The following KCNN3 variants were observed in gnomAD, a reference collection of about 807,000 sequenced individuals.
KCNN3 encodes the protein small conductance calcium-activated potassium channel protein 3.
In KCNN3, 16 loss-of-function variants were observed where a neutral mutation model predicts 62.9. The ratio of observed to expected loss-of-function variants is 0.25; its 90% CI spans 0.17 to 0.39. KCNN3 has a LOEUF of 0.39. KCNN3 is among the 10% of genes least tolerant of loss of function. The probability of loss-of-function intolerance (pLI) is 1.00; values close to 1 mark genes in which losing one functional copy is unlikely to be tolerated. For missense variants in KCNN3, 599 were observed against 949.4 expected, an observed-to-expected ratio of 0.63 and a Z score of 4.85; for synonymous variants, 370 against 389.2, an observed-to-expected ratio of 0.95 and a Z score of 0.58.
At position 154,794,314 on chromosome 1, in the gene KCNN3, T is replaced by C. The variant is rs140695434; in HGVS notation, c.1030-21921A>G. On this transcript the variant is annotated intron_variant, in intron 2 of 7. Coordinates refer to ENST00000271915, the MANE Select transcript of KCNN3 (RefSeq NM_002249.6). ...GACCATGTCTGTTTCTATGTCCATG[T>C]TTTCCCCAGAGCTTGCCCTTAAACA... 1.3e-3 allele frequency among the ~76,000 whole-genome samples: 200 copies of C among 152,310 alleles called. 1 individual carries two copies. Among genetic ancestry groups the C allele is most frequent in the African/African-American group, 4.0e-3 (168 of 41,552 alleles).
chr1:154,772,484 C>G lies in KCNN3; in HGVS notation c.1030-91G>C. The G allele has an allele frequency of 1.5e-6, 2 of 1,339,118 alleles. No homozygotes were observed. Among genetic ancestry groups the G allele is most frequent in the Non-Finnish European group, 2.1e-6 (2 of 946,772 alleles). 83.0% of individuals were successfully genotyped at this position (1,339,118 alleles called of 1,614,324 possible). ...GACAGGTGGGGCAGGCTGGGGCAGG[C>G]TGCTGGGCTCAGGTCAGCCTGACCA... On this transcript the variant is annotated intron_variant, in intron 2 of 7. Coordinates refer to ENST00000271915, the MANE Select transcript of KCNN3 (RefSeq NM_002249.6). This position sits in a 1 kb window ranked among gnomAD's most constrained non-coding sequence, Gnocchi z 5.6.
At chr1:154,813,825 C>A (rs1428974530) in intron 2 of KCNN3, among the ~76,000 whole-genome samples, 3 of 152,228 alleles carry the variant, frequency 2.0e-5, no homozygotes, top group Non-Finnish European at 4.4e-5. Context: ...CACACCCACC[C>A]CATCGGAGAC....
intron 4 of KCNN3, among the ~76,000 whole-genome samples, chr1:154,726,495 T>C (rs1700468328): frequency 6.6e-6 from 1 of 152,204 alleles, no homozygotes; most frequent in Non-Finnish European, 1.5e-5. Flanking sequence ...GGGGTGCAGA[T>C]GGAACACCTG....
intron 3 of KCNN3, among the ~76,000 whole-genome samples, chr1:154,744,473 G>A (rs776215632): frequency 1.3e-5 from 2 of 152,234 alleles, no homozygotes; most frequent in Admixed American, 6.5e-5. Context: ...GGCAGCACCC[G>A]TGTGCCTGGG....
At chr1:154,734,562 G>A (rs1280868194) in intron 3 of KCNN3, among the ~76,000 whole-genome samples, 1 of 152,230 alleles carries the variant, frequency 6.6e-6, no homozygotes, top group Non-Finnish European at 1.5e-5. Context: ...ATAGGCAAAT[G>A]CTGCTTTTCC....
chr1:154,797,645 T>C (rs753355336), intron 2 of KCNN3, among the ~76,000 whole-genome samples: 9 of 152,246 alleles, frequency 5.9e-5, no homozygotes, highest in Non-Finnish European at 1.0e-4. Flanking sequence ...GCAGGGATCA[T>C]ATCTGTCCTG....
intron 2 of KCNN3, among the ~76,000 whole-genome samples, chr1:154,820,469 C>A (rs1650845907): frequency 6.6e-6 from 1 of 152,194 alleles, no homozygotes. Context: ...CCACACAGGT[C>A]AGGGTGACAC....
chr1:154,727,160 G>C (rs1700488391), intron 4 of KCNN3, among the ~76,000 whole-genome samples: 1 of 152,196 alleles, frequency 6.6e-6, no homozygotes, highest in African/African-American at 2.4e-5. Context: ...CTGCCTGCAT[G>C]CTGTGCCCTG....
At chr1:154,835,698 C>T (rs1651560149) in intron 1 of KCNN3, among the ~76,000 whole-genome samples, 1 of 152,148 alleles carries the variant, frequency 6.6e-6, no homozygotes, top group Admixed American at 6.5e-5. Flanking sequence ...ATGGAAAAGG[C>T]TGAATATCAG....
At chr1:154,825,160 C>G (rs1238924106) in intron 1 of KCNN3, among the ~76,000 whole-genome samples, 2 of 152,096 alleles carry the variant, frequency 1.3e-5, no homozygotes, top group Non-Finnish European at 2.9e-5. Context: ...ACCGGGCTGC[C>G]ATACATCCCA....
chr1:154,760,648 C>T (rs964414585), intron 3 of KCNN3, among the ~76,000 whole-genome samples: 4 of 152,206 alleles, frequency 2.6e-5, no homozygotes, highest in Non-Finnish European at 5.9e-5. Flanking sequence ...TCTCCACGAC[C>T]GCCTGGCCGC....
At chr1:154,804,303 CAG>C (rs1321174664) in intron 2 of KCNN3, among the ~76,000 whole-genome samples, 2 of 152,254 alleles carry the variant, frequency 1.3e-5, no homozygotes, top group Non-Finnish European at 2.9e-5. Context: ...AGGGGCTTAA[CAG>C]GGTGTTACAG....
At chr1:154,770,179 G>A (rs1283249054) in intron 3 of KCNN3, among the ~76,000 whole-genome samples, 1 of 152,212 alleles carries the variant, frequency 6.6e-6, no homozygotes, top group Non-Finnish European at 1.5e-5. Flanking sequence ...TAATGGCGAG[G>A]TTCTGAATAG....
chr1:154,713,624 G>C, intron 6 of KCNN3, 91 bp from the exon 7 acceptor site: 1 of 1,060,152 alleles, frequency 9.4e-7, no homozygotes, highest in South Asian at 1.3e-5. Flanking sequence ...CACTGCCTCT[G>C]ATTTTGGAAC....
chr1:154,843,033 T>C (rs920532284), intron 1 of KCNN3, among the ~76,000 whole-genome samples: 1 of 152,170 alleles, frequency 6.6e-6, no homozygotes, highest in Non-Finnish European at 1.5e-5. Context: ...CTGACACTTA[T>C]AATAGGAGCT....
intron 4 of KCNN3, among the ~76,000 whole-genome samples, chr1:154,731,577 G>C (rs935837503): frequency 2.0e-5 from 3 of 152,236 alleles, no homozygotes; most frequent in African/African-American, 7.2e-5. Flanking sequence ...CGTTCACTCA[G>C]ACCCTGCAGG....
intron 1 of KCNN3, among the ~76,000 whole-genome samples, chr1:154,861,377 A>G (rs879283441): frequency 2.0e-5 from 3 of 151,946 alleles, no homozygotes; most frequent in Admixed American, 2.0e-4. Flanking sequence ...TCCATCCATC[A>G]CTGTGCCCTC....
Position 154,815,273 on chromosome 1 carries a change from G to A in KCNN3, c.1029+6816C>T, listed in dbSNP as rs536893444. On this transcript the variant is annotated intron_variant, in intron 2 of 7. Coordinates refer to ENST00000271915, the MANE Select transcript of KCNN3 (RefSeq NM_002249.6). ...GATGGGGACTCTAGCCCCTACCTGG[G>A]GGGTTTGGGCAGCCTCCACCTCCCT... 2.4e-4 allele frequency among the ~76,000 whole-genome samples: 36 copies of A among 152,322 alleles called. No individual in the cohort carries two copies. In the East Asian group the frequency reaches 6.7e-3, roughly 29 times the overall value.
At position 154,704,254 on chromosome 1, in the gene KCNN3, C is replaced by A. The variant is rs1049105535; in HGVS notation, c.*3722G>T. ...GAGGTCGGTCAGTGGTGACTTGGGG[C>A]CTTCCCCCCTTGTTCTTTTGGATTG... On this transcript the variant is annotated 3_prime_UTR_variant, in exon 8 of 8. Coordinates refer to ENST00000271915, the MANE Select transcript of KCNN3 (RefSeq NM_002249.6). 1 of 152,188 alleles carries A rather than the reference C, an allele frequency of 6.6e-6. No homozygotes were observed. The highest frequency in any genetic ancestry group is 1.5e-5 in the Non-Finnish European group (1 of 68,046). The allele number at this position is 152,188 out of a possible 1,614,324, so 9.4% of individuals were successfully genotyped here.
Sources: allele counts gnomAD v4.1 joint callset (sites outside exome capture counted in the v4.1 genomes callset), GRCh38; gene constraint gnomAD v4.1.1; non-coding constraint Gnocchi (gnomAD v3.1); transcripts MANE v1.5; gene names NCBI Gene and HGNC (gene_info 2026-07-23, HGNC 2026-07-21).